GPHN: variants seen among roughly 807,000 people sequenced by gnomAD.
GPHN encodes gephyrin.
A neutral mutation model predicts 95.5 loss-of-function variants in GPHN; 17 were observed. That is an observed-to-expected ratio of 0.18 (90% confidence interval 0.12 to 0.27). The LOEUF (loss-of-function observed/expected upper bound fraction) is 0.27. Among genes scored for constraint, GPHN ranks in the 10% least tolerant of loss-of-function variants. The pLI, the probability that GPHN is intolerant of heterozygous loss-of-function variation, is 1.00. For synonymous variants in GPHN, 320 were observed against 322.5 expected (o/e 0.99, Z 0.08); for missense variants, 660 against 978.1 (o/e 0.67, Z 4.34).
chr14:67,173,718 A>G (rs532743332), intron 21 of GPHN, among the ~76,000 whole-genome samples: 18 of 152,330 alleles, frequency 1.2e-4, no homozygotes, highest in Non-Finnish European at 1.9e-4. Context: ...ATGAAAAGAA[A>G]ATCAATGACC....
intron 1 of GPHN, among the ~76,000 whole-genome samples, chr14:66,533,881 C>G (rs146696460): frequency 6.6e-6 from 1 of 152,240 alleles, no homozygotes; most frequent in African/African-American, 2.4e-5. Context: ...ATTTCAAATA[C>G]TCAGATTTTT....
At chr14:66,537,634 T>G (rs764100898) in intron 1 of GPHN, among the ~76,000 whole-genome samples, 6 of 152,212 alleles carry the variant, frequency 3.9e-5, no homozygotes, top group Admixed American at 6.5e-5. Flanking sequence ...TGTGTACCCT[T>G]TCTAATGCTC....
chr14:66,799,530 C>T (rs945411015), intron 3 of GPHN, among the ~76,000 whole-genome samples: 1 of 151,988 alleles, frequency 6.6e-6, no homozygotes, highest in Non-Finnish European at 1.5e-5. Context: ...TTTATATCCT[C>T]TTCCTGAATT....
chr14:67,327,680 C>T, the GPHN span, among the ~76,000 whole-genome samples: 1 of 152,012 alleles, frequency 6.6e-6, no homozygotes, highest in African/African-American at 2.4e-5. Context: ...TGATGTTCCC[C>T]ACCCTGTGTC....
At chr14:66,951,448 G>A (rs947830403) in intron 8 of GPHN, among the ~76,000 whole-genome samples, 16 of 151,026 alleles carry the variant, frequency 1.1e-4, no homozygotes, top group African/African-American at 1.7e-4. Context: ...CCTGGAAGGC[G>A]GAAGTTGCAG....
the GPHN span, among the ~76,000 whole-genome samples, chr14:67,533,101 G>A: frequency 6.6e-6 from 1 of 152,150 alleles, no homozygotes; most frequent in Non-Finnish European, 1.5e-5. Flanking sequence ...TGCCTGGAGA[G>A]CTGAGCCCAG....
chr14:67,346,281 G>C, the GPHN span, among the ~76,000 whole-genome samples: 4 of 152,160 alleles, frequency 2.6e-5, no homozygotes, highest in South Asian at 8.3e-4. Context: ...CATGAAGCAA[G>C]GAAATACAAG....
At chr14:67,353,259 G>A in the GPHN span, among the ~76,000 whole-genome samples, 1 of 152,196 alleles carries the variant, frequency 6.6e-6, no homozygotes, top group African/African-American at 2.4e-5. Context: ...AATGTTGGGA[G>A]GTGGGACCAT....
the GPHN span, among the ~76,000 whole-genome samples, chr14:67,505,520 G>T: frequency 6.6e-5 from 10 of 152,264 alleles, no homozygotes; most frequent in African/African-American, 2.4e-4. Flanking sequence ...GCCCAGGGAT[G>T]TGTGATTGTT....
At chr14:67,710,067 C>T in the GPHN span, among the ~76,000 whole-genome samples, 1 of 152,184 alleles carries the variant, frequency 6.6e-6, no homozygotes, top group Non-Finnish European at 1.5e-5. Flanking sequence ...AGTCTTCCTG[C>T]CTTTGTTTTA....
At chr14:66,994,992 T>C (rs997958961) in intron 9 of GPHN, among the ~76,000 whole-genome samples, 1 of 152,206 alleles carries the variant, frequency 6.6e-6, no homozygotes, top group Admixed American at 6.5e-5. Context: ...TGCTTGGCAC[T>C]GGAAATACAG....
chr14:67,733,967 G>A, the GPHN span: 30 of 711,472 alleles, frequency 4.2e-5, no homozygotes, highest in African/African-American at 4.4e-4. Context: ...AATCCTGCCT[G>A]CTCTGATCCT....
chr14:66,932,458 T>TGTTTTG (rs1330572019), intron 8 of GPHN, among the ~76,000 whole-genome samples: 1,349 of 123,614 alleles, frequency 0.011, 23 homozygotes, highest in Non-Finnish European at 0.019. Flanking sequence ...TTTTTTTTTT[T>TGTTTTG]TTTTTTTTTT....
chr14:67,029,093 T>G (rs1415997132), intron 10 of GPHN, among the ~76,000 whole-genome samples: 1 of 152,194 alleles, frequency 6.6e-6, no homozygotes, highest in Non-Finnish European at 1.5e-5. Context: ...GCTATCCAGT[T>G]TTCCCAGCAC....
chr14:66,581,302 GTTAC>G (rs2061158359), intron 1 of GPHN, among the ~76,000 whole-genome samples: 1 of 151,442 alleles, frequency 6.6e-6, no homozygotes, highest in African/African-American at 2.4e-5. Flanking sequence ...ACAGTGTAGA[GTTAC>G]TTTATGCAAT....
At chr14:66,703,712 T>C (rs568856602) in intron 2 of GPHN, among the ~76,000 whole-genome samples, 1 of 147,608 alleles carries the variant, frequency 6.8e-6, no homozygotes, top group African/African-American at 2.6e-5. Flanking sequence ...AATGACACTA[T>C]CAAGAAACTG....
At chr14:66,752,934 T>TAA (rs370594333) in intron 2 of GPHN, among the ~76,000 whole-genome samples, 139 of 134,136 alleles carry the variant, frequency 1.0e-3, no homozygotes, top group East Asian at 2.3e-3. Context: ...TAGGAGTGGT[T>TAA]AAAAAAAAAA....
At chr14:66,963,934 A>C (rs954941916) in intron 8 of GPHN, among the ~76,000 whole-genome samples, 3 of 152,102 alleles carry the variant, frequency 2.0e-5, no homozygotes, top group African/African-American at 4.8e-5. Flanking sequence ...TCTTCTTTTC[A>C]CATAGTAAGT....
At chr14:66,943,101 C>T (rs1346911976) in intron 8 of GPHN, among the ~76,000 whole-genome samples, 1 of 152,102 alleles carries the variant, frequency 6.6e-6, no homozygotes, top group African/African-American at 2.4e-5. Context: ...AATATGTTTA[C>T]ACATGGAATT....
Sources: allele counts gnomAD v4.1 joint callset (sites outside exome capture counted in the v4.1 genomes callset), GRCh38; gene constraint gnomAD v4.1.1; transcripts MANE v1.5; gene names NCBI Gene and HGNC (gene_info 2026-07-23, HGNC 2026-07-21).